The following PEAR1 variants were observed in gnomAD, a reference collection of about 807,000 sequenced individuals.
PEAR1 encodes the protein platelet endothelial aggregation receptor 1.
Under a neutral mutation model 131.2 loss-of-function variants are expected in PEAR1, and 113 were observed. The ratio of observed to expected loss-of-function variants is 0.86; its 90% CI spans 0.74 to 1.01. PEAR1 has a LOEUF of 1.01. Among genes scored for constraint, PEAR1 ranks in the 50% least tolerant of loss-of-function variants. The pLI is 0.00. For synonymous variants in PEAR1, 565 were observed against 523.3 expected (o/e 1.08, Z -1.09); for missense variants, 1,408 against 1,391.1 (o/e 1.01, Z -0.19).
chr1:156,898,399 C>T (rs183489897), intron 1 of PEAR1, among the ~76,000 whole-genome samples: 31 of 152,270 alleles, frequency 2.0e-4, no homozygotes, highest in East Asian at 9.6e-4. Flanking sequence ...GCACTCTGGC[C>T]GCATACGCAG....
rs199843041 is a variant in PEAR1, at chr1:156,912,254, T to C, written c.1959T>C (p.Pro653=). 24 of 1,612,866 alleles carry C rather than the reference T, an allele frequency of 1.5e-5. No individual in the cohort carries two copies. Among genetic ancestry groups the C allele is most frequent in the Non-Finnish European group, 1.9e-5 (23 of 1,179,536 alleles). ...WTGPDCSQPC[P]PGHWGENCAQ... ...GCCCCATGTCTCCCGTAGCATGCCC[T>C]CCAGGACACTGGGGAGAAAACTGTG... The change falls in exon 16 of 23, where the codon CCT becomes CCC. Residue 653 remains proline (P), a synonymous_variant. Coordinates refer to ENST00000292357, the MANE Select transcript of PEAR1 (RefSeq NM_001080471.3).
chr1:156,910,724 A>T lies in PEAR1; in HGVS notation c.1932A>T (p.Thr644=). The T allele has an allele frequency of 6.2e-7, 1 of 1,614,074 alleles. No homozygotes were observed. Among genetic ancestry groups the T allele is most frequent in the African/African-American group, 1.3e-5 (1 of 75,064 alleles). ...CCTGCTACTGCCTGGCTGGCTGGACAGGCCCCGACTGCTCCCAGCGTATGT... is the reference window on the plus strand; with the variant it reads ...CCTGCTACTGCCTGGCTGGCTGGACTGGCCCCGACTGCTCCCAGCGTATGT... The part of the protein sequence containing the change: ...NGTCYCLAGW[T]GPDCSQPCPP... The change falls in exon 15 of 23, where the codon ACA becomes ACT. Residue 644 remains threonine, a synonymous_variant. Coordinates refer to ENST00000292357, the MANE Select transcript of PEAR1 (RefSeq NM_001080471.3).
intron 4 of PEAR1, among the ~76,000 whole-genome samples, chr1:156,905,642 T>C (rs1650215337): frequency 6.6e-6 from 1 of 152,024 alleles, no homozygotes; most frequent in African/African-American, 2.4e-5. Flanking sequence ...GCCGGCCCCA[T>C]GTGTCTCCCA....
rs766991011 is a variant in PEAR1 at position 156,908,994 on chromosome 1, A to G, written c.1369A>G (p.Ile457Val). The G allele has an allele frequency of 8.7e-6, 14 of 1,614,164 alleles. No homozygotes were observed. The highest frequency in any genetic ancestry group is 1.2e-5 in the Non-Finnish European group (14 of 1,180,024). The change falls in exon 11 of 23, where the codon ATC becomes GTC. Residue 457 changes from isoleucine to valine, a missense_variant. Coordinates refer to ENST00000292357, the MANE Select transcript of PEAR1 (RefSeq NM_001080471.3). This position sits in a 1 kb window ranked among gnomAD's most constrained non-coding sequence, Gnocchi z 4.2. ...CSARCSCENA[I>V]ACSPIDGECV... ...TGCACGCTGCTCATGTGAAAATGCC[A>G]TCGCCTGCTCACCCATCGACGGCGA...
chr1:156,901,699 A>AG (rs1649696973), intron 1 of PEAR1, among the ~76,000 whole-genome samples: 1 of 152,154 alleles, frequency 6.6e-6, no homozygotes, highest in South Asian at 2.1e-4. Context: ...GTCAGGGAAG[A>AG]GGGGAGTGTG....
intron 15 of PEAR1, 102 bp from the exon 16 acceptor site, chr1:156,912,145 G>A (rs1186561738): frequency 7.0e-7 from 1 of 1,423,186 alleles, no homozygotes; most frequent in Non-Finnish European, 9.4e-7. Context: ...TGTGCCCAGG[G>A]AGACCAAAGC....
At chr1:156,913,593 G>A (rs1558149956) in intron 20 of PEAR1, 70 bp downstream of exon 20, 2 of 1,602,572 alleles carry the variant, frequency 1.2e-6, no homozygotes, top group Admixed American at 1.7e-5. Flanking sequence ...GTCTGAGTGT[G>A]TGTGTCTGGA....
chr1:156,903,786 G>T, intron 1 of PEAR1, 132 bp from the exon 2 acceptor site: 1 of 702,562 alleles, frequency 1.4e-6, no homozygotes, highest in South Asian at 1.7e-5. Flanking sequence ...CTGGAGCTCA[G>T]AGCAAGGGGC....
chr1:156,910,684 A>G lies in PEAR1; in HGVS notation c.1892A>G (p.His631Arg). The change falls in exon 15 of 23, where the codon CAC becomes CGC. Residue 631 changes from histidine (H) to arginine (R), a missense_variant. Coordinates refer to ENST00000292357, the MANE Select transcript of PEAR1 (RefSeq NM_001080471.3). ...PCKCANHSFC[H>R]PSNGTCYCLA... ...AAGTGCGCTAACCACTCCTTCTGCC[A>G]CCCCTCGAACGGGACCTGCTACTGC... 6.2e-7 allele frequency: 1 copy of G among 1,613,864 alleles called. No homozygotes were observed. Among genetic ancestry groups the G allele is most frequent in the Non-Finnish European group, 8.5e-7 (1 of 1,179,974 alleles).
Position 156,913,249 on chromosome 1 carries a change from G to A in PEAR1, c.2478G>A (p.Ser826=), listed in dbSNP as rs756557489. ...YYSNPSYHTL[S]QCSPNPPPPN... ...CCAACCCCAGCTACCACACCCTGTC[G>A]CAGTGCTCCCCAAACCCCCCACCCC... The change falls in exon 19 of 23, where the codon TCG becomes TCA. Residue 826 remains serine (S), a synonymous_variant. Transcript: ENST00000292357. The A allele has an allele frequency of 6.1e-5, 98 of 1,612,882 alleles. No individual in the cohort carries two copies. The highest frequency in any genetic ancestry group is 1.1e-4 in the East Asian group (5 of 44,888).
At chr1:156,896,101 C>A (rs1472494489) in intron 1 of PEAR1, among the ~76,000 whole-genome samples, 1 of 152,166 alleles carries the variant, frequency 6.6e-6, no homozygotes, top group Non-Finnish European at 1.5e-5. Flanking sequence ...AAAAAGAAAG[C>A]AGCACAGGCT....
At position 156,908,545 on chromosome 1, in the gene PEAR1, A is replaced by G. The variant is rs1394442611; in HGVS notation, c.1116-110A>G. The G allele has an allele frequency of 3.2e-6, 4 of 1,234,528 alleles. No homozygotes were observed. The African/African-American group carries it at 4.6e-5, about 14-fold the overall frequency. The allele number at this position is 1,234,528 out of a possible 1,614,324, so 76.5% of individuals were successfully genotyped here. ...AGAATAGCGCGGAGCCTCCCTAGTG[A>G]CCCCCTTACCCCAGCGATGTGCGAA... On this transcript the variant is annotated intron_variant, in intron 9 of 22. Coordinates refer to ENST00000292357, the MANE Select transcript of PEAR1 (RefSeq NM_001080471.3). The surrounding 1 kb of genome is among the most constrained non-coding windows in gnomAD (Gnocchi z 4.2).
At chr1:156,904,150 C>T in intron 2 of PEAR1, 123 bp downstream of exon 2, 1 of 753,190 alleles carries the variant, frequency 1.3e-6, no homozygotes. Flanking sequence ...TAGTCTCTCC[C>T]CTCCCGCCTA....
chr1:156,904,629 C>A (rs41267433), intron 2 of PEAR1, 119 bp from the exon 3 acceptor site: 1 of 1,008,594 alleles, frequency 9.9e-7, no homozygotes. Context: ...GCTACGAGAG[C>A]AGCCCCAGCG....
At chr1:156,910,499 T>G in intron 14 of PEAR1, 119 bp downstream of exon 14, 1 of 1,547,660 alleles carries the variant, frequency 6.5e-7, no homozygotes. Flanking sequence ...CCCCGGTCTC[T>G]TCCTCTGACC....
chr1:156,912,651 C>G (rs201188558), intron 17 of PEAR1, 29 bp downstream of exon 17: 1 of 1,610,026 alleles, frequency 6.2e-7, no homozygotes, highest in Middle Eastern at 1.7e-4. Context: ...CCTTCCCACC[C>G]ATTGTCCCCA....
At chr1:156,906,971 C>T in intron 6 of PEAR1, 91 bp downstream of exon 6, 1 of 1,486,980 alleles carries the variant, frequency 6.7e-7, no homozygotes, top group Non-Finnish European at 9.0e-7. Flanking sequence ...CAGACAGGGC[C>T]CCAAGTGTGG....
rs1057213559 is a variant in PEAR1 at position 156,902,810 on chromosome 1, ATCCTC to A, written c.-9-1103_-9-1099del. Among the ~76,000 whole-genome samples the A allele has an allele frequency of 1.2e-4, 18 of 152,106 alleles. No individual in the cohort carries two copies. The highest frequency in any genetic ancestry group is 4.3e-4 in the African/African-American group (18 of 41,404). ...GCGGGGATGGGCACTGCGGTAACTC[ATCCTC>A]TCCTGAGCTCAGGAGCTGAGGCAGC... On this transcript the variant is annotated intron_variant, in intron 1 of 22. Transcript: ENST00000292357. The surrounding 1 kb of genome is among the most constrained non-coding windows in gnomAD (Gnocchi z 4.3).
chr1:156,896,866 G>A lies in PEAR1; in HGVS notation c.-10+3029G>A, dbSNP rs1396725195. Reference sequence around the variant, plus strand: ...CTGAGGAATTCCTGCTGGAGGTCAGGAGGGCAAGTCTGGAGCCGCCTTTTG... The same window carrying A: ...CTGAGGAATTCCTGCTGGAGGTCAGAAGGGCAAGTCTGGAGCCGCCTTTTG... On this transcript the variant is annotated intron_variant, in intron 1 of 22. Coordinates refer to ENST00000292357, the MANE Select transcript of PEAR1 (RefSeq NM_001080471.3). Among the ~76,000 whole-genome samples, 4 of 152,214 alleles carry A rather than the reference G, an allele frequency of 2.6e-5. No homozygotes were observed. In the East Asian group the frequency reaches 7.7e-4, roughly 29 times the overall value.
Sources: allele counts gnomAD v4.1 joint callset (sites outside exome capture counted in the v4.1 genomes callset), GRCh38; gene constraint gnomAD v4.1.1; non-coding constraint Gnocchi (gnomAD v3.1); transcripts MANE v1.5; gene names NCBI Gene and HGNC (gene_info 2026-07-23, HGNC 2026-07-21).